The following ADAMTS17 variants were observed in gnomAD, a reference collection of about 807,000 sequenced individuals.
The protein encoded by ADAMTS17 is A disintegrin and metalloproteinase with thrombospondin motifs 17.
Under a neutral mutation model 141.5 loss-of-function variants are expected in ADAMTS17, and 113 were observed. The ratio of observed to expected loss-of-function variants is 0.80; its 90% CI spans 0.69 to 0.93. ADAMTS17 has a LOEUF of 0.93. Among genes scored for constraint, ADAMTS17 ranks in the 40% least tolerant of loss-of-function variants. The pLI is 0.00. For missense variants in ADAMTS17, 1,659 were observed against 1,517.9 expected (o/e 1.09, Z -1.54); for synonymous variants, 768 against 630.6 (o/e 1.22, Z -3.27).
At chr15:100,103,816 T>C (rs1169067380) in intron 14 of ADAMTS17, among the ~76,000 whole-genome samples, 10 of 152,176 alleles carry the variant, frequency 6.6e-5, no homozygotes, top group African/African-American at 2.2e-4. Flanking sequence ...CCTTAGATAA[T>C]CCACCTACCT....
At chr15:100,080,399 G>A (rs1429957506) in intron 15 of ADAMTS17, among the ~76,000 whole-genome samples, 2 of 149,808 alleles carry the variant, frequency 1.3e-5, no homozygotes, top group East Asian at 1.9e-4. Flanking sequence ...GTAAGGAAGA[G>A]TATGCATGGA....
intron 7 of ADAMTS17, among the ~76,000 whole-genome samples, chr15:100,211,298 C>CAAAA (rs11323381): frequency 7.3e-5 from 7 of 95,802 alleles, no homozygotes; most frequent in African/African-American, 1.6e-4. Context: ...AACTTCATCT[C>CAAAA]AAAAAAAAAA....
intron 20 of ADAMTS17, among the ~76,000 whole-genome samples, chr15:99,989,492 T>C (rs1414009664): frequency 6.6e-6 from 1 of 152,250 alleles, no homozygotes; most frequent in Non-Finnish European, 1.5e-5. Flanking sequence ...AATGCTACCC[T>C]GCCTGTTACT....
At chr15:100,264,998 G>A (rs1039290619) in intron 4 of ADAMTS17, among the ~76,000 whole-genome samples, 8 of 152,082 alleles carry the variant, frequency 5.3e-5, no homozygotes, top group African/African-American at 9.7e-5. Flanking sequence ...CAAAGTTAAC[G>A]AATTAAAAAA....
At chr15:100,058,827 G>A (rs1254343796) in intron 15 of ADAMTS17, among the ~76,000 whole-genome samples, 1 of 152,188 alleles carries the variant, frequency 6.6e-6, no homozygotes, top group African/African-American at 2.4e-5. Flanking sequence ...GGAGTCACTG[G>A]GTATGGTCAA....
intron 14 of ADAMTS17, among the ~76,000 whole-genome samples, chr15:100,102,245 C>G (rs1208635224): frequency 6.6e-6 from 1 of 152,122 alleles, no homozygotes; most frequent in African/African-American, 2.4e-5. Flanking sequence ...TCTGGTTGCC[C>G]ACTCGTATTT....
chr15:100,046,625 T>C (rs1166936599), intron 18 of ADAMTS17, among the ~76,000 whole-genome samples: 3 of 152,226 alleles, frequency 2.0e-5, no homozygotes, highest in Non-Finnish European at 2.9e-5. Context: ...AAATAAATAC[T>C]TTTATAATTT....
In ADAMTS17 at chr15:100,296,251, C is replaced by T. The variant is rs745309; in HGVS notation, c.617-14850G>A. Among the ~76,000 whole-genome samples the T allele has an allele frequency of 5.2e-3, 792 of 151,958 alleles. 13 individuals carry two copies. In the East Asian group the frequency reaches 0.068, roughly 13 times the overall value. ...GAAATTGCCAGGTCCAAGAAAACTG[C>T]TTTGTGACCACTTTTTTTTTTTAAC... is the stretch of plus-strand genomic sequence containing the variant. On this transcript the variant is annotated intron_variant, in intron 3 of 21. Transcript: ENST00000268070.
At chr15:100,053,398 C>T (rs2032295383) in intron 16 of ADAMTS17, among the ~76,000 whole-genome samples, 1 of 152,150 alleles carries the variant, frequency 6.6e-6, no homozygotes, top group African/African-American at 2.4e-5. Flanking sequence ...CATCTGATCC[C>T]CCTCCCTGAT....
intron 10 of ADAMTS17, among the ~76,000 whole-genome samples, chr15:100,137,986 T>G (rs1278249898): frequency 2.0e-5 from 3 of 152,232 alleles, no homozygotes; most frequent in African/African-American, 7.2e-5. Context: ...ATTGTGCTAT[T>G]TTTTCTTTGT....
chr15:100,160,204 T>C (rs1352119782), intron 8 of ADAMTS17, among the ~76,000 whole-genome samples: 1 of 152,212 alleles, frequency 6.6e-6, no homozygotes, highest in Non-Finnish European at 1.5e-5. Context: ...CTAAAACCTC[T>C]TTCCCTACCT....
intron 7 of ADAMTS17, among the ~76,000 whole-genome samples, chr15:100,202,209 T>C (rs1459233840): frequency 6.6e-6 from 1 of 152,230 alleles, no homozygotes; most frequent in Non-Finnish European, 1.5e-5. Context: ...AAGGCAGCCC[T>C]GACTTTCCAC....
chr15:100,157,651 G>T (rs1273633367), intron 8 of ADAMTS17, among the ~76,000 whole-genome samples: 1 of 152,010 alleles, frequency 6.6e-6, no homozygotes. Context: ...TTTATTGAAC[G>T]AATTATCTGT....
Position 100,201,052 on chromosome 15 carries a change from C to T in ADAMTS17, c.1076-1629G>A, listed in dbSNP as rs77272401. Among the ~76,000 whole-genome samples, 21 of 152,258 alleles carry T rather than the reference C, an allele frequency of 1.4e-4. No individual in the cohort carries two copies. In the East Asian group the frequency reaches 3.9e-3, roughly 28 times the overall value. On this transcript the variant is annotated intron_variant, in intron 7 of 21. Coordinates refer to ENST00000268070, the MANE Select transcript of ADAMTS17 (RefSeq NM_139057.4). The stretch of plus-strand genomic sequence containing the variant: ...GGGGAACCATTTCATTAAAAATGAC[C>T]CCTCCTTCCTGCCCCCAAAGAGCTA...
rs149862933 is a variant in ADAMTS17 at position 100,240,309 on chromosome 15, C to T, written c.1075+13827G>A. Among the ~76,000 whole-genome samples, 31 of 152,354 alleles carry T rather than the reference C, an allele frequency of 2.0e-4. 1 individual carries two copies. Among genetic ancestry groups the T allele is most frequent in the African/African-American group, 6.5e-4 (27 of 41,594 alleles). The stretch of plus-strand genomic sequence containing the variant: ...AGCAGCAATCTCTCTGCTGCTTCTT[C>T]CTCCTCAGCCCCAGATGCCTTCAGC... On this transcript the variant is annotated intron_variant, in intron 7 of 21. Coordinates refer to ENST00000268070, the MANE Select transcript of ADAMTS17 (RefSeq NM_139057.4).
intron 11 of ADAMTS17, among the ~76,000 whole-genome samples, chr15:100,132,656 G>A (rs1295070266): frequency 6.6e-6 from 1 of 152,228 alleles, no homozygotes; most frequent in South Asian, 2.1e-4. Flanking sequence ...ACCCTGAGGT[G>A]CTAGGTGTGA....
Position 100,094,562 on chromosome 15 carries a change from T to C in ADAMTS17, c.2137+1794A>G, listed in dbSNP as rs556779071. On this transcript the variant is annotated intron_variant, in intron 15 of 21. Coordinates refer to ENST00000268070, the MANE Select transcript of ADAMTS17 (RefSeq NM_139057.4). ...TGTTAGTTAGATGTGTGGTAGAACT[T>C]TCCTTAGTGTTCTACATACAGAGTT... 3.3e-5 allele frequency among the ~76,000 whole-genome samples: 5 copies of C among 152,324 alleles called. No homozygotes were observed. In the South Asian group the frequency reaches 1.0e-3, roughly 32 times the overall value.
rs113286236 is a variant in ADAMTS17, at chr15:100,051,866, G to C, written c.2296-135C>G. The C allele has an allele frequency of 1.1e-3, 1,217 of 1,131,046 alleles. 11 individuals are homozygous for C. The African/African-American group carries it at 0.017, about 15-fold the overall frequency. The allele number at this position is 1,131,046 out of a possible 1,614,324, so 70.1% of individuals were successfully genotyped here. On this transcript the variant is annotated intron_variant, in intron 16 of 21. Coordinates refer to ENST00000268070, the MANE Select transcript of ADAMTS17 (RefSeq NM_139057.4). ...CAGCTCTTTTCTGGGGCTGAAAACA[G>C]GTTCCACTGAGGGTGCTCCTTTATC... is the stretch of plus-strand genomic sequence containing the variant.
intron 5 of ADAMTS17, among the ~76,000 whole-genome samples, chr15:100,262,058 A>G (rs2043539174): frequency 6.6e-6 from 1 of 152,100 alleles, no homozygotes; most frequent in African/African-American, 2.4e-5. Flanking sequence ...GGGAGCCACA[A>G]TGCCAGAGAC....
Sources: gnomAD v4.1 joint callset for allele counts (sites outside exome capture counted in the v4.1 genomes callset) on GRCh38, gnomAD v4.1.1 for gene constraint, MANE v1.5 for transcripts, NCBI Gene and HGNC (gene_info 2026-07-23, HGNC 2026-07-21) for gene names.